SLC16A4: variants seen among roughly 807,000 people sequenced by gnomAD.
SLC16A4 encodes the protein probable monocarboxylate transporter 5.
SLC16A4 carries 39 observed loss-of-function variants against 47.9 expected under a neutral mutation model. The observed-to-expected ratio is 0.81, with a 90% CI of 0.63 to 1.06. SLC16A4 has a LOEUF of 1.06. SLC16A4 is among the 50% of genes least tolerant of loss of function. The probability of loss-of-function intolerance (pLI) is 0.00; values close to 1 mark genes in which losing one functional copy is unlikely to be tolerated. For synonymous variants in SLC16A4, 189 were observed against 199.9 expected (o/e 0.95, Z 0.46); for missense variants, 524 against 573.8 (o/e 0.91, Z 0.89).
At chr1:110,368,126 C>A (rs1661495442) in intron 8 of SLC16A4, among the ~76,000 whole-genome samples, 1 of 152,172 alleles carries the variant, frequency 6.6e-6, no homozygotes, top group Non-Finnish European at 1.5e-5. Flanking sequence ...CTGCGCCCAG[C>A]CAAGTAAATA....
chr1:110,369,596 AAAAC>A (rs1227015583), intron 8 of SLC16A4, among the ~76,000 whole-genome samples: 1 of 152,172 alleles, frequency 6.6e-6, no homozygotes, highest in African/African-American at 2.4e-5. Flanking sequence ...CTCAAAACAA[AAAAC>A]AAACAAAAAA....
chr1:110,383,460 G>C (rs1444945756), intron 2 of SLC16A4, among the ~76,000 whole-genome samples: 2 of 152,268 alleles, frequency 1.3e-5, no homozygotes, highest in East Asian at 3.9e-4. Flanking sequence ...TTGGGTCAGA[G>C]ATGAAATTCT....
Position 110,382,869 on chromosome 1 carries a change from A to T in SLC16A4, c.185T>A (p.Ile62Asn). ...ACGAAGAGATGACATGATGGATCCA[A>T]TCCAACCAATTTGCTCTGAGGTGCC... is the stretch of plus-strand genomic sequence containing the variant. The part of the protein sequence containing the change: ...FEGTSEQIGW[I>N]GSIMSSLRFC... Residue 62 changes from isoleucine (I) to asparagine (N), a missense_variant, in exon 3 of 9, where the codon ATT (isoleucine) becomes AAT (asparagine). By Grantham distance (149) the Ile-to-Asn change is moderately radical. Transcript: ENST00000369779. 2 of 1,611,896 alleles carry T rather than the reference A, an allele frequency of 1.2e-6. No homozygotes were observed. The highest frequency in any genetic ancestry group is 1.7e-6 in the Non-Finnish European group (2 of 1,178,552).
At chr1:110,364,508 T>C (rs1661264864) in intron 8 of SLC16A4, among the ~76,000 whole-genome samples, 1 of 148,030 alleles carries the variant, frequency 6.8e-6, no homozygotes. Flanking sequence ...GCTTTTTTTT[T>C]TTTTTTTTTT....
rs745640609 is a variant in SLC16A4, at chr1:110,382,836, G to C, written c.218C>G (p.Ala73Gly). Reference protein sequence around the residue: ...GSIMSSLRFCAGPLVAIICDI... With the variant: ...GSIMSSLRFCGGPLVAIICDI... The stretch of plus-strand genomic sequence containing the variant: ...CAAGCTTATTGCCAGCTTTATACCT[G>C]CACAAAAACGAAGAGATGACATGAT... Residue 73 changes from alanine (A) to glycine (G), a missense_variant and splice_region_variant, in exon 3 of 9, where the codon GCA (alanine) becomes GGA (glycine). Transcript: ENST00000369779. 1.3e-6 allele frequency: 2 copies of C among 1,598,614 alleles called. No homozygotes were observed. Among genetic ancestry groups the C allele is most frequent in the Non-Finnish European group, 1.7e-6 (2 of 1,169,986 alleles).
At chr1:110,378,056 C>T (rs183918825) in intron 6 of SLC16A4, among the ~76,000 whole-genome samples, 18 of 152,274 alleles carry the variant, frequency 1.2e-4, no homozygotes, top group Admixed American at 1.2e-3. Context: ...GTCTTGATCT[C>T]CTGGCCTCAT....
Position 110,375,471 on chromosome 1 carries a change from T to C in SLC16A4, c.1323A>G (p.Gly441=), listed in dbSNP as rs1429207430. 1 of 1,608,846 alleles carries C rather than the reference T, an allele frequency of 6.2e-7. No homozygotes were observed. The change falls in exon 8 of 9, where the codon GGA becomes GGG. Residue 441 remains glycine (G), a synonymous_variant. Transcript: ENST00000369779. ...SFFAGMAVLS[G]PPIAGWLYDY... ...TGAAGGTGTTACCTGCTATAGGTGG[T>C]CCAGAAAGGACAGCCATCCCAGCAA... is the stretch of plus-strand genomic sequence containing the variant.
intron 1 of SLC16A4, 47 bp downstream of exon 1, chr1:110,390,818 T>C (rs1041780052): frequency 6.6e-6 from 1 of 152,218 alleles, no homozygotes; most frequent in Non-Finnish European, 1.5e-5. Flanking sequence ...GAGATGCCAG[T>C]CGTTGTTAGA....
chr1:110,389,117 C>T (rs1028273285), intron 2 of SLC16A4, 120 bp downstream of exon 2: 72 of 888,540 alleles, frequency 8.1e-5, no homozygotes, highest in Non-Finnish European at 1.2e-4. Flanking sequence ...TGTTCCTGCC[C>T]ACCCCTCCAC....
chr1:110,369,229 A>G (rs1360870428), intron 8 of SLC16A4, among the ~76,000 whole-genome samples: 4 of 151,984 alleles, frequency 2.6e-5, no homozygotes, highest in Admixed American at 2.6e-4. Context: ...CTGGGATTAC[A>G]GGCGTGAGCC....
intron 8 of SLC16A4, among the ~76,000 whole-genome samples, chr1:110,366,049 A>G (rs1453713816): frequency 2.6e-5 from 4 of 151,842 alleles, no homozygotes; most frequent in Non-Finnish European, 4.4e-5. Context: ...TTGGCCTCCC[A>G]AAGTGCTGGG....
intron 8 of SLC16A4, among the ~76,000 whole-genome samples, chr1:110,366,982 C>A (rs1661433212): frequency 6.6e-6 from 1 of 152,050 alleles, no homozygotes. Context: ...TAGTATACAG[C>A]TGAGTATTTA....
chr1:110,375,147 TA>T (rs1661917828), intron 8 of SLC16A4: 7 of 204,246 alleles, frequency 3.4e-5, no homozygotes, highest in East Asian at 1.1e-4. Flanking sequence ...TTTTTTTTTT[TA>T]AAGCATCATG....
At chr1:110,375,352 T>A (rs1661933919) in intron 8 of SLC16A4, 106 bp downstream of exon 8, 1 of 700,230 alleles carries the variant, frequency 1.4e-6, no homozygotes, top group Non-Finnish European at 2.6e-6. Context: ...AGAAATAATC[T>A]GTTTCTTTTA....
chr1:110,367,714 T>C (rs925986995), intron 8 of SLC16A4, among the ~76,000 whole-genome samples: 10 of 151,862 alleles, frequency 6.6e-5, no homozygotes, highest in African/African-American at 2.4e-4. Context: ...AAAATATATA[T>C]ATATAGGGAG....
At position 110,381,127 on chromosome 1, in the gene SLC16A4, G is replaced by A; in HGVS notation, c.381C>T (p.Phe127=). The A allele has an allele frequency of 6.2e-7, 1 of 1,614,058 alleles. No homozygotes were observed. Among genetic ancestry groups the A allele is most frequent in the Non-Finnish European group, 8.5e-7 (1 of 1,179,966 alleles). The change falls in exon 5 of 9, where the codon TTC becomes TTT. Residue 127 remains phenylalanine, a synonymous_variant. Transcript: ENST00000369779. ...MGLLPGLGSA[F]LYQVAAVVTT... is the part of the protein sequence containing the mutation. The stretch of plus-strand genomic sequence containing the variant: ...TTACCACAGCAGCCACTTGGTATAA[G>A]AAAGCAGAACCCAAACCTAAAAGAA...
intron 2 of SLC16A4, among the ~76,000 whole-genome samples, chr1:110,388,735 G>C (rs766572577): frequency 4.6e-5 from 7 of 152,216 alleles, no homozygotes; most frequent in Admixed American, 1.3e-4. Context: ...TGTTTTGAGA[G>C]AGTCTCTCAT....
intron 2 of SLC16A4, among the ~76,000 whole-genome samples, chr1:110,387,341 A>ATC (rs918157252): frequency 5.3e-5 from 8 of 152,270 alleles, no homozygotes; most frequent in African/African-American, 1.7e-4. Context: ...GTTAGAATGA[A>ATC]TCTCTCTCTC....
In SLC16A4 at chr1:110,380,179, G is replaced by GC. The variant is rs762098073; in HGVS notation, c.526+802dup. Among the ~76,000 whole-genome samples the GC allele has an allele frequency of 2.0e-5, 3 of 151,894 alleles. No homozygotes were observed. In the East Asian group the frequency reaches 5.8e-4, roughly 29 times the overall value. On this transcript the variant is annotated intron_variant, in intron 5 of 8. Coordinates refer to ENST00000369779, the MANE Select transcript of SLC16A4 (RefSeq NM_004696.3). ...ATCTTGCCTTTGGAGCTGAATAGTT[G>GC]CTTGCATTCAGCGTGTCCTGATCAA...
Sources: gnomAD v4.1 joint callset for allele counts (sites outside exome capture counted in the v4.1 genomes callset) on GRCh38, gnomAD v4.1.1 for gene constraint, MANE v1.5 for transcripts, NCBI Gene and HGNC (gene_info 2026-07-23, HGNC 2026-07-21) for gene names.